RBMS3: variants seen among roughly 807,000 people sequenced by gnomAD.
RBMS3 encodes the protein RNA-binding motif, single-stranded-interacting protein 3.
A neutral mutation model predicts 66.8 loss-of-function variants in RBMS3; 27 were observed. The observed-to-expected ratio is 0.40, with a 90% CI of 0.30 to 0.56. The LOEUF is 0.56. Among genes scored for constraint, RBMS3 ranks in the 20% least tolerant of loss-of-function variants. The pLI, the probability that RBMS3 is intolerant of heterozygous loss-of-function variation, is 0.40. For synonymous variants in RBMS3, 188 were observed against 183.0 expected (o/e 1.03, Z -0.22); for missense variants, 513 against 549.5 (o/e 0.93, Z 0.66).
chr3:29,741,022 C>A (rs2054617326), intron 5 of RBMS3, among the ~76,000 whole-genome samples: 1 of 144,388 alleles, frequency 6.9e-6, no homozygotes, highest in Non-Finnish European at 1.5e-5. Flanking sequence ...GCCTGGGCAA[C>A]ACAGCGAGAC....
At chr3:29,495,392 A>G (rs891026730) in intron 3 of RBMS3, among the ~76,000 whole-genome samples, 32 of 148,170 alleles carry the variant, frequency 2.2e-4, no homozygotes, top group African/African-American at 7.7e-4. Flanking sequence ...ATATTTATAC[A>G]TGTGAGGGAA....
Position 29,874,083 on chromosome 3 carries a change from G to A in RBMS3, c.744+5119G>A, listed in dbSNP as rs535837891. Among the ~76,000 whole-genome samples the A allele has an allele frequency of 2.0e-5, 3 of 152,244 alleles. No homozygotes were observed. The South Asian group carries it at 6.2e-4, about 32-fold the overall frequency. ...AGCCCCCTTGTCTTTAGTTGAATCT[G>A]CTCTTAATGGTGCATCCAGCTCATT... On this transcript the variant is annotated intron_variant, in intron 7 of 14. Coordinates refer to ENST00000383767, the MANE Select transcript of RBMS3 (RefSeq NM_001003793.3).
At chr3:29,989,872 G>A (rs1698712127) in intron 13 of RBMS3, among the ~76,000 whole-genome samples, 2 of 152,180 alleles carry the variant, frequency 1.3e-5, no homozygotes, top group Admixed American at 6.5e-5. Context: ...GGCAGTTTAA[G>A]TGTAAACTTC....
intron 6 of RBMS3, among the ~76,000 whole-genome samples, chr3:29,765,510 A>T (rs2055884911): frequency 6.6e-6 from 1 of 151,992 alleles, no homozygotes; most frequent in Non-Finnish European, 1.5e-5. Flanking sequence ...TACAATTTTT[A>T]AAATTTGAAA....
chr3:29,448,673 T>C (rs1328584469), intron 2 of RBMS3, among the ~76,000 whole-genome samples: 1 of 152,232 alleles, frequency 6.6e-6, no homozygotes, highest in Non-Finnish European at 1.5e-5. Flanking sequence ...CTACTCTTTC[T>C]GGTTTGCTCA....
At chr3:29,498,605 T>C (rs1367843788) in intron 3 of RBMS3, among the ~76,000 whole-genome samples, 3 of 152,232 alleles carry the variant, frequency 2.0e-5, no homozygotes, top group Non-Finnish European at 4.4e-5. Flanking sequence ...CTCTAAGTTA[T>C]GATCTTAGTT....
chr3:29,646,248 A>G (rs2049915440), intron 4 of RBMS3, among the ~76,000 whole-genome samples: 1 of 152,222 alleles, frequency 6.6e-6, no homozygotes, highest in East Asian at 1.9e-4. Context: ...CTGATATTGC[A>G]TAAAGTTCTG....
In RBMS3 at chr3:29,378,328, CG is replaced by C. The variant is rs1415402292; in HGVS notation, c.76-56410del. On this transcript the variant is annotated intron_variant, in intron 1 of 14. Transcript: ENST00000383767. Reference sequence around the variant, plus strand: ...TCTACTAAAAATACAAAAAATTAGCCGGGGGTGGTGGTGGGCACCTGTAGTC... The same window carrying C: ...TCTACTAAAAATACAAAAAATTAGCCGGGGTGGTGGTGGGCACCTGTAGTC... 2.0e-5 allele frequency among the ~76,000 whole-genome samples: 3 copies of C among 151,712 alleles called. No homozygotes were observed. The East Asian group carries it at 5.8e-4, about 30-fold the overall frequency.
In RBMS3 at chr3:29,849,044, T is replaced by A. The variant is rs140990197; in HGVS notation, c.638-19814T>A. 1.4e-4 allele frequency among the ~76,000 whole-genome samples: 21 copies of A among 152,246 alleles called. No homozygotes were observed. The East Asian group carries it at 3.9e-3, about 28-fold the overall frequency. On this transcript the variant is annotated intron_variant, in intron 6 of 14. Coordinates refer to ENST00000383767, the MANE Select transcript of RBMS3 (RefSeq NM_001003793.3). ...TTGCAGCCCCTTAGAGACCTTGACA[T>A]TTTTTTCTTTAATACTACTAAAATA...
At chr3:29,332,559 C>T (rs2035726230) in intron 1 of RBMS3, among the ~76,000 whole-genome samples, 1 of 152,152 alleles carries the variant, frequency 6.6e-6, no homozygotes, top group African/African-American at 2.4e-5. Context: ...GTTCCGGAAG[C>T]TATTACTGAA....
intron 1 of RBMS3, among the ~76,000 whole-genome samples, chr3:29,358,494 T>C (rs2037363373): frequency 2.0e-5 from 3 of 152,180 alleles, no homozygotes; most frequent in Admixed American, 2.0e-4. Context: ...CCTCCAGCTT[T>C]GTTCTTTTGG....
chr3:29,583,397 T>C (rs527659228), intron 3 of RBMS3, among the ~76,000 whole-genome samples: 1 of 152,302 alleles, frequency 6.6e-6, no homozygotes, highest in South Asian at 2.1e-4. Flanking sequence ...TATGTGTTCT[T>C]TATAGCCCAA....
chr3:29,980,118 A>G (rs1277650593), intron 12 of RBMS3, among the ~76,000 whole-genome samples: 2 of 152,164 alleles, frequency 1.3e-5, no homozygotes, highest in African/African-American at 4.8e-5. Flanking sequence ...GTTGTTAATG[A>G]TCCCCAGTCT....
At chr3:29,400,518 T>TG (rs2039758938) in intron 1 of RBMS3, among the ~76,000 whole-genome samples, 1 of 151,992 alleles carries the variant, frequency 6.6e-6, no homozygotes, top group South Asian at 2.1e-4. Context: ...TGTGCAACTA[T>TG]GTGGATGTAC....
At chr3:29,585,695 A>C (rs1410714269) in intron 3 of RBMS3, among the ~76,000 whole-genome samples, 2 of 151,628 alleles carry the variant, frequency 1.3e-5, no homozygotes, top group East Asian at 3.9e-4. Context: ...TATTACTTCC[A>C]CTTTTTTTTT....
At chr3:29,711,403 G>A (rs1056120132) in intron 4 of RBMS3, among the ~76,000 whole-genome samples, 4 of 152,086 alleles carry the variant, frequency 2.6e-5, no homozygotes, top group African/African-American at 7.2e-5. Context: ...GAACAAATTT[G>A]GGAAGAGAGT....
At chr3:29,439,180 C>T (rs1029753947) in intron 2 of RBMS3, among the ~76,000 whole-genome samples, 4 of 152,036 alleles carry the variant, frequency 2.6e-5, no homozygotes, top group Non-Finnish European at 5.9e-5. Context: ...CTAGAAAACA[C>T]GAAAGGACAA....
intron 6 of RBMS3, among the ~76,000 whole-genome samples, chr3:29,852,084 T>A (rs1266341212): frequency 6.6e-6 from 1 of 152,108 alleles, no homozygotes; most frequent in African/African-American, 2.4e-5. Context: ...GGAAAAGGAC[T>A]CCCTATTCAA....
At chr3:29,407,360 C>T (rs1219042610) in intron 1 of RBMS3, among the ~76,000 whole-genome samples, 1 of 152,130 alleles carries the variant, frequency 6.6e-6, no homozygotes, top group Non-Finnish European at 1.5e-5. Flanking sequence ...GGTGTATGTA[C>T]ACGACCTTGG....
Sources: allele counts gnomAD v4.1 joint callset (sites outside exome capture counted in the v4.1 genomes callset), GRCh38; gene constraint gnomAD v4.1.1; transcripts MANE v1.5; gene names NCBI Gene and HGNC (gene_info 2026-07-23, HGNC 2026-07-21).